The following ZNF728 variants were observed in gnomAD, a reference collection of about 807,000 sequenced individuals.
The protein encoded by ZNF728 is zinc finger protein 728.
A neutral mutation model predicts 12.5 loss-of-function variants in ZNF728; 12 were observed. That is an observed-to-expected ratio of 0.96 (90% CI 0.61 to 1.55). The LOEUF (loss-of-function observed/expected upper bound fraction) is 1.55. Ranked by LOEUF, ZNF728 falls within the 40% of genes most tolerant of loss-of-function variation. The probability of loss-of-function intolerance (pLI) is 0.00; values close to 1 mark genes in which losing one functional copy is unlikely to be tolerated. For missense variants in ZNF728, 692 were observed against 719.2 expected (o/e 0.96, Z 0.43); for synonymous variants, 205 against 240.7 (o/e 0.85, Z 1.37).
chr19:22,977,679 A>C (rs1243462477), intron 3 of ZNF728, among the ~76,000 whole-genome samples: 1 of 152,150 alleles, frequency 6.6e-6, no homozygotes, highest in Non-Finnish European at 1.5e-5. Flanking sequence ...TTTCAGAAGA[A>C]ACATAAATAA....
At chr19:22,987,125 A>G (rs1003702826) in intron 3 of ZNF728, among the ~76,000 whole-genome samples, 183 bp downstream of exon 3, 3 of 152,230 alleles carry the variant, frequency 2.0e-5, no homozygotes, top group Admixed American at 1.3e-4. Context: ...TAATTCTTAG[A>G]AATTTTAAAA....
chr19:22,989,051 C>CAAAAAA (rs68080575), intron 1 of ZNF728, among the ~76,000 whole-genome samples: 24 of 50,136 alleles, frequency 4.8e-4, no homozygotes, highest in East Asian at 2.4e-3. Context: ...AACTCCATCT[C>CAAAAAA]AAAAAAAAAA....
intron 3 of ZNF728, among the ~76,000 whole-genome samples, chr19:22,980,775 C>A (rs981775659): frequency 6.6e-5 from 10 of 152,160 alleles, no homozygotes; most frequent in Non-Finnish European, 1.0e-4. Context: ...TGAATGACTA[C>A]AGGGTAAATA....
At chr19:22,994,227 A>G (rs1969024466) in intron 1 of ZNF728, among the ~76,000 whole-genome samples, 1 of 152,210 alleles carries the variant, frequency 6.6e-6, no homozygotes, top group Non-Finnish European at 1.5e-5. Flanking sequence ...GATACCAAGT[A>G]GGCAGACGCA....
At chr19:22,979,757 A>C (rs1260374859) in intron 3 of ZNF728, among the ~76,000 whole-genome samples, 2 of 152,178 alleles carry the variant, frequency 1.3e-5, no homozygotes, top group Admixed American at 1.3e-4. Flanking sequence ...TATCCAGCCA[A>C]ACTAAGCTTC....
intron 3 of ZNF728, among the ~76,000 whole-genome samples, chr19:22,977,532 C>T (rs1204777247): frequency 2.6e-5 from 4 of 152,042 alleles, no homozygotes; most frequent in African/African-American, 9.7e-5. Flanking sequence ...GTTTCTGTCT[C>T]CCATGACATA....
At chr19:22,983,303 T>C (rs1217719023) in intron 3 of ZNF728, among the ~76,000 whole-genome samples, 2 of 152,134 alleles carry the variant, frequency 1.3e-5, no homozygotes, top group Non-Finnish European at 2.9e-5. Context: ...AAAACCACAA[T>C]GAGTACCATT....
intron 3 of ZNF728, among the ~76,000 whole-genome samples, chr19:22,984,615 CAT>C (rs1366499468): frequency 0.01 from 1,365 of 136,050 alleles, 22 homozygotes; most frequent in African/African-American, 0.037. Flanking sequence ...CACACACACA[CAT>C]ATACACACAC....
chr19:22,977,933 TA>T (rs1968823499), intron 3 of ZNF728, among the ~76,000 whole-genome samples: 1 of 152,010 alleles, frequency 6.6e-6, no homozygotes, highest in Non-Finnish European at 1.5e-5. Context: ...ATACTAATTT[TA>T]AAGATTGAAT....
At chr19:22,985,172 T>C (rs1455251232) in intron 3 of ZNF728, among the ~76,000 whole-genome samples, 4 of 152,144 alleles carry the variant, frequency 2.6e-5, no homozygotes, top group Non-Finnish European at 5.9e-5. Flanking sequence ...CTTGATAACA[T>C]TATGCAAAAT....
chr19:22,989,122 A>T (rs1968955460), intron 1 of ZNF728, among the ~76,000 whole-genome samples: 1 of 150,632 alleles, frequency 6.6e-6, no homozygotes, highest in Non-Finnish European at 1.5e-5. Context: ...ATAGTTGTGT[A>T]TATTGTTCAG....
chr19:22,980,011 A>G (rs192332831), intron 3 of ZNF728, among the ~76,000 whole-genome samples: 1 of 152,274 alleles, frequency 6.6e-6, no homozygotes, highest in African/African-American at 2.4e-5. Flanking sequence ...ACATAACAAC[A>G]TTAACCTTAA....
intron 1 of ZNF728, among the ~76,000 whole-genome samples, chr19:23,000,398 A>C (rs1273290936): frequency 6.6e-6 from 1 of 151,886 alleles, no homozygotes; most frequent in African/African-American, 2.4e-5. Flanking sequence ...AAAAACAAAA[A>C]AAAAAACACC....
chr19:22,993,032 C>T (rs1327232488), intron 1 of ZNF728, among the ~76,000 whole-genome samples: 1 of 152,182 alleles, frequency 6.6e-6, no homozygotes, highest in African/African-American at 2.4e-5. Flanking sequence ...TACTTTACTC[C>T]AGTATCACAT....
chr19:22,995,401 G>T (rs939898612), intron 1 of ZNF728: 1 of 151,986 alleles, frequency 6.6e-6, no homozygotes, highest in Non-Finnish European at 1.5e-5. Context: ...AAGAGAAACA[G>T]GAGCATTATT....
chr19:22,995,945 C>T (rs968914057), intron 1 of ZNF728: 8 of 152,108 alleles, frequency 5.3e-5, no homozygotes, highest in Admixed American at 3.3e-4. Context: ...GTAGCCATAT[C>T]ATCTGTCTTT....
At chr19:22,982,164 CT>C (rs1359669977) in intron 3 of ZNF728, among the ~76,000 whole-genome samples, 4 of 152,204 alleles carry the variant, frequency 2.6e-5, no homozygotes, top group Non-Finnish European at 5.9e-5. Context: ...TGATAAGCAA[CT>C]TCAGCAAAGT....
intron 1 of ZNF728, chr19:22,995,057 T>G (rs1002032102): frequency 6.5e-6 from 1 of 152,802 alleles, no homozygotes; most frequent in Admixed American, 6.5e-5. Flanking sequence ...AAGGGAGCAC[T>G]GTTTCAGCCT....
rs754370445 is a variant in ZNF728, at chr19:22,975,970, TC to T, written c.1366del (p.Glu456AsnfsTer73). The T allele has an allele frequency of 4.3e-6, 7 of 1,613,076 alleles. No individual in the cohort carries two copies. The South Asian group carries it at 7.7e-5, about 18-fold the overall frequency. On this transcript the variant is annotated frameshift_variant, in exon 4 of 4. Transcript: ENST00000594710. LOFTEE classifies it low-confidence loss of function (END_TRUNC). ...GGACCAGCTGAAGACTTTGCCACAT[TC>T]TTCACATTTGTAGTGTTTCTCTCCA... is the stretch of plus-strand genomic sequence containing the variant. Reference protein sequence around the residue: ...HTGEKHYKCEECGKVFSWSSS... With the variant: ...HTGEKHYKCEXCGKVFSWSSS...
Sources: gnomAD v4.1 joint callset for allele counts (sites outside exome capture counted in the v4.1 genomes callset) on GRCh38, gnomAD v4.1.1 for gene constraint, MANE v1.5 for transcripts, NCBI Gene and HGNC (gene_info 2026-07-23, HGNC 2026-07-21) for gene names.